EPHA3: variants seen among roughly 807,000 people sequenced by gnomAD.
EPHA3 encodes EPH receptor A3, also known as ephrin type-A receptor 3.
EPHA3 carries 42 observed loss-of-function variants against 107.1 expected under a neutral mutation model. The ratio of observed to expected loss-of-function variants is 0.39; its 90% CI spans 0.31 to 0.51. The LOEUF (loss-of-function observed/expected upper bound fraction) is 0.51, where lower values mean the gene tolerates loss of function less well. EPHA3 is among the 20% of genes least tolerant of loss of function. EPHA3 has a pLI of 0.78. For synonymous variants in EPHA3, 461 were observed against 424.8 expected, an observed-to-expected ratio of 1.09 and a Z score of -1.05; for missense variants, 1,183 against 1,211.2, an observed-to-expected ratio of 0.98 and a Z score of 0.35.
intron 2 of EPHA3, among the ~76,000 whole-genome samples, chr3:89,163,390 G>A: frequency 6.6e-6 from 1 of 151,992 alleles, no homozygotes; most frequent in Non-Finnish European, 1.5e-5. Flanking sequence ...CGGGGGAGAA[G>A]GGAACAATAA....
chr3:89,257,784 A>G (rs1030966726), intron 3 of EPHA3, among the ~76,000 whole-genome samples: 1 of 151,800 alleles, frequency 6.6e-6, no homozygotes, highest in Non-Finnish European at 1.5e-5. Flanking sequence ...GAGAGAAAGA[A>G]CATCTTCACA....
chr3:89,354,228 C>T (rs2107447285), intron 5 of EPHA3, among the ~76,000 whole-genome samples: 1 of 151,186 alleles, frequency 6.6e-6, no homozygotes, highest in East Asian at 1.9e-4. Context: ...GAAATATAGT[C>T]CTTAGGATAT....
At chr3:89,417,187 A>G (rs1409903103) in intron 10 of EPHA3, among the ~76,000 whole-genome samples, 2 of 151,462 alleles carry the variant, frequency 1.3e-5, no homozygotes, top group Admixed American at 1.3e-4. Context: ...GGTAGATACA[A>G]TAAGTGTCCC....
At chr3:89,197,536 G>C (rs898925769) in intron 2 of EPHA3, among the ~76,000 whole-genome samples, 2 of 151,992 alleles carry the variant, frequency 1.3e-5, no homozygotes, top group Non-Finnish European at 2.9e-5. Context: ...TTTTAAAAAA[G>C]ATAATAGTGA....
intron 10 of EPHA3, among the ~76,000 whole-genome samples, chr3:89,413,835 T>A (rs1246113935): frequency 6.6e-6 from 1 of 151,744 alleles, no homozygotes; most frequent in Non-Finnish European, 1.5e-5. Context: ...ATTTAAACAA[T>A]GATAAATTTG....
rs1192939440 is a variant in EPHA3 at position 89,236,396 on chromosome 3, T to C, written c.814+25876T>C. ...ATTACTACACTACAATCAAGATTAA[T>C]AACAAATGACATTAAAACTGTGTAC... On this transcript the variant is annotated intron_variant, in intron 3 of 16. Coordinates refer to ENST00000336596, the MANE Select transcript of EPHA3 (RefSeq NM_005233.6). Among the ~76,000 whole-genome samples, 4 of 151,598 alleles carry C rather than the reference T, an allele frequency of 2.6e-5. No individual in the cohort carries two copies. The East Asian group carries it at 7.8e-4, about 29-fold the overall frequency.
chr3:89,165,023 T>G (rs921982520), intron 2 of EPHA3, among the ~76,000 whole-genome samples: 1 of 152,190 alleles, frequency 6.6e-6, no homozygotes, highest in African/African-American at 2.4e-5. Context: ...ATTTGGCTTT[T>G]AAAGATTGCA....
intron 5 of EPHA3, among the ~76,000 whole-genome samples, chr3:89,342,636 A>C (rs1308864624): frequency 6.6e-6 from 1 of 152,128 alleles, no homozygotes; most frequent in East Asian, 1.9e-4. Context: ...AATGGATTAT[A>C]TATTACATAG....
At chr3:89,324,331 C>A (rs1039890057) in intron 3 of EPHA3, among the ~76,000 whole-genome samples, 1 of 150,994 alleles carries the variant, frequency 6.6e-6, no homozygotes, top group African/African-American at 2.4e-5. Context: ...ACATGCCGTG[C>A]TATTTTTTTT....
At chr3:89,326,447 A>C (rs2107389654) in intron 3 of EPHA3, among the ~76,000 whole-genome samples, 1 of 152,078 alleles carries the variant, frequency 6.6e-6, no homozygotes, top group Admixed American at 6.5e-5. Context: ...GGAGTGCAGT[A>C]ATGCAATCAT....
chr3:89,187,343 T>G (rs142277515), intron 2 of EPHA3, among the ~76,000 whole-genome samples: 1,696 of 148,500 alleles, frequency 0.011, 19 homozygotes, highest in African/African-American at 0.038. Flanking sequence ...TAAATATTAA[T>G]AAATAATATA....
chr3:89,310,290 C>T (rs1344770650), intron 3 of EPHA3, among the ~76,000 whole-genome samples: 1 of 151,904 alleles, frequency 6.6e-6, no homozygotes, highest in East Asian at 1.9e-4. Context: ...AATATAATAG[C>T]TTTAAAGGAA....
In EPHA3 at chr3:89,183,643, A is replaced by G. The variant is rs116894651; in HGVS notation, c.154-26217A>G. The stretch of plus-strand genomic sequence containing the variant: ...GATTTAATAAAGAAACTATTTTTTA[A>G]TGAAAACAGATGCATTCTAAGCCTT... On this transcript the variant is annotated intron_variant, in intron 2 of 16. Transcript: ENST00000336596. 6.6e-5 allele frequency among the ~76,000 whole-genome samples: 10 copies of G among 152,068 alleles called. No individual in the cohort carries two copies. The East Asian group carries it at 1.9e-3, about 29-fold the overall frequency.
intron 2 of EPHA3, among the ~76,000 whole-genome samples, chr3:89,196,740 C>G (rs1705845219): frequency 6.6e-6 from 1 of 152,074 alleles, no homozygotes; most frequent in African/African-American, 2.4e-5. Context: ...TAAATTTCTT[C>G]CCTAAATGCC....
chr3:89,360,878 C>T (rs1318092127), intron 5 of EPHA3, among the ~76,000 whole-genome samples: 1 of 150,706 alleles, frequency 6.6e-6, no homozygotes, highest in Non-Finnish European at 1.5e-5. Context: ...GTATTATTTC[C>T]AAGGTGACTG....
At chr3:89,266,821 G>A (rs528552775) in intron 3 of EPHA3, among the ~76,000 whole-genome samples, 7 of 152,078 alleles carry the variant, frequency 4.6e-5, no homozygotes, top group Non-Finnish European at 1.0e-4. Context: ...CAAATTAGCA[G>A]TGAAAAATAT....
chr3:89,356,304 G>A (rs1025005444), intron 5 of EPHA3, among the ~76,000 whole-genome samples: 5 of 150,874 alleles, frequency 3.3e-5, no homozygotes, highest in East Asian at 3.9e-4. Flanking sequence ...AGGTGTGCAT[G>A]TGTCTTTATA....
chr3:89,183,724 GA>G (rs1470077648), intron 2 of EPHA3, among the ~76,000 whole-genome samples: 1 of 151,916 alleles, frequency 6.6e-6, no homozygotes, highest in Non-Finnish European at 1.5e-5. Flanking sequence ...TTTATGAGCA[GA>G]AATCTAGAAT....
intron 16 of EPHA3, among the ~76,000 whole-genome samples, chr3:89,477,516 A>G (rs1307765766): frequency 6.6e-6 from 1 of 152,084 alleles, no homozygotes; most frequent in African/African-American, 2.4e-5. Context: ...TTGCCTAGGA[A>G]CCCATTTCTT....
Sources: gnomAD v4.1 joint callset for allele counts (sites outside exome capture counted in the v4.1 genomes callset) on GRCh38, gnomAD v4.1.1 for gene constraint, MANE v1.5 for transcripts, NCBI Gene and HGNC (gene_info 2026-07-23, HGNC 2026-07-21) for gene names.